The following TNRC18 variants were observed in gnomAD, a reference collection of about 807,000 sequenced individuals.
TNRC18 encodes the protein trinucleotide repeat-containing gene 18 protein.
Under a neutral mutation model 226.7 loss-of-function variants are expected in TNRC18, and 69 were observed. That is an observed-to-expected ratio of 0.30 (90% CI 0.25 to 0.37). The LOEUF (loss-of-function observed/expected upper bound fraction) is 0.37. Among genes scored for constraint, TNRC18 ranks in the 10% least tolerant of loss-of-function variants. TNRC18 has a pLI of 1.00. For missense variants in TNRC18, 4,754 were observed against 4,256.6 expected (o/e 1.12, Z -3.25); for synonymous variants, 2,449 against 1,927.6 (o/e 1.27, Z -7.09).
chr7:5,355,416 C>T (rs1792257007), intron 16 of TNRC18, among the ~76,000 whole-genome samples: 1 of 152,038 alleles, frequency 6.6e-6, no homozygotes, highest in Admixed American at 6.6e-5. Flanking sequence ...TCTCTTGATC[C>T]CAGGAGTTTA....
At position 5,410,974 on chromosome 7, in the gene TNRC18, G is replaced by C. The variant is rs370674787; in HGVS notation, c.187+10086C>G. Among the ~76,000 whole-genome samples the C allele has an allele frequency of 3.2e-3, 481 of 151,892 alleles. 6 individuals are homozygous for C. Among genetic ancestry groups the C allele is most frequent in the African/African-American group, 0.011 (446 of 41,416 alleles). ...TAATCCCAGCACTTTGGGAGGCCGAGGCAGGTGGATCACTTGAGGTCAGGA... is the reference window on the plus strand; with the variant it reads ...TAATCCCAGCACTTTGGGAGGCCGACGCAGGTGGATCACTTGAGGTCAGGA... On this transcript the variant is annotated intron_variant, in intron 2 of 29. Transcript: ENST00000430969.
intron 2 of TNRC18, among the ~76,000 whole-genome samples, chr7:5,418,989 C>T (rs962029192): frequency 6.6e-6 from 1 of 152,242 alleles, no homozygotes; most frequent in Non-Finnish European, 1.5e-5. Flanking sequence ...CGGGTGAGCA[C>T]GGGGTTCAAG....
chr7:5,411,350 C>G (rs1781832242), intron 2 of TNRC18, among the ~76,000 whole-genome samples: 1 of 151,070 alleles, frequency 6.6e-6, no homozygotes, highest in Non-Finnish European at 1.5e-5. Flanking sequence ...TGTTGCAATT[C>G]TTTCAAAATC....
rs752886131 is a variant in TNRC18 at position 5,308,322 on chromosome 7, C to T, written c.8701-10G>A. ...ACTGGTATAGCGCGCGCTGCGGGCA[C>T]GCGGGGATATCAGGATGGCAGGTGG... On this transcript the variant is annotated splice_polypyrimidine_tract_variant and intron_variant, in intron 29 of 29. Coordinates refer to ENST00000430969, the MANE Select transcript of TNRC18 (RefSeq NM_001080495.3). 43 of 1,604,246 alleles carry T rather than the reference C, an allele frequency of 2.7e-5. No homozygotes were observed. The highest frequency in any genetic ancestry group is 2.2e-4 in the Admixed American group (13 of 58,700).
Position 5,333,068 on chromosome 7 carries a change from C to G in TNRC18, c.5720-19G>C. 6.4e-7 allele frequency: 1 copy of G among 1,559,758 alleles called. No homozygotes were observed. Among genetic ancestry groups the G allele is most frequent in the Non-Finnish European group, 8.6e-7 (1 of 1,160,364 alleles). On this transcript the variant is annotated intron_variant, in intron 18 of 29. Coordinates refer to ENST00000430969, the MANE Select transcript of TNRC18 (RefSeq NM_001080495.3). ...TCTGTGCCTGAACGCGGGAGGAGGG[C>G]GTGCTGGTCACAGCCTCGTGGGGAC...
At chr7:5,358,717 G>C (rs112006977) in intron 15 of TNRC18, among the ~76,000 whole-genome samples, 1 of 152,168 alleles carries the variant, frequency 6.6e-6, no homozygotes, top group Non-Finnish European at 1.5e-5. Flanking sequence ...GGGAGGCTGA[G>C]GCAGGAGAAT....
At chr7:5,330,178 C>T (rs538104743) in intron 19 of TNRC18, among the ~76,000 whole-genome samples, 88 of 152,230 alleles carry the variant, frequency 5.8e-4, no homozygotes, top group Non-Finnish European at 9.9e-4. Context: ...GTGATCTGCC[C>T]ACCTCGGCCT....
intron 1 of TNRC18, among the ~76,000 whole-genome samples, chr7:5,422,093 T>TC (rs887118826): frequency 9.9e-4 from 148 of 149,634 alleles, no homozygotes; most frequent in African/African-American, 1.9e-3. Flanking sequence ...AGGCTCGTGG[T>TC]CCCCCCCCTT....
At chr7:5,420,071 GC>G (rs972670022) in intron 2 of TNRC18, 1 of 232,992 alleles carries the variant, frequency 4.3e-6, no homozygotes, top group African/African-American at 2.4e-5. Flanking sequence ...TCCTGGGGCG[GC>G]CGCCGGGCAG....
chr7:5,392,395 A>G (rs1780364107), intron 3 of TNRC18, among the ~76,000 whole-genome samples: 1 of 152,072 alleles, frequency 6.6e-6, no homozygotes, highest in African/African-American at 2.4e-5. Context: ...CTCAGGAGGC[A>G]GAGGTTGCAG....
chr7:5,322,386 A>C (rs1244902187), intron 21 of TNRC18, among the ~76,000 whole-genome samples: 2 of 151,808 alleles, frequency 1.3e-5, no homozygotes, highest in Non-Finnish European at 2.9e-5. Flanking sequence ...GCAGCCTGGA[A>C]CTCCTGGGTT....
At chr7:5,351,662 G>A (rs1466441041) in intron 17 of TNRC18, 157 bp downstream of exon 17, 179 of 751,452 alleles carry the variant, frequency 2.4e-4, no homozygotes, top group Non-Finnish European at 6.6e-5. Flanking sequence ...AGCAGGCTAC[G>A]CTGCCAAGAA....
At position 5,377,329 on chromosome 7, in the gene TNRC18, C is replaced by CCCACCAA; in HGVS notation, c.2461+41_2461+42insTTGGTGG. On this transcript the variant is annotated intron_variant, in intron 7 of 29. Transcript: ENST00000430969. The surrounding 1 kb of genome is among the most constrained non-coding windows in gnomAD (Gnocchi z 5.8). ...TGTCCTGCACCCGCCCCCTCCCACC[C>CCCACCAA]CTCCCTCAGAGAAGGGGAGAGACCC... 1 of 1,220,700 alleles carries CCCACCAA rather than the reference C, an allele frequency of 8.2e-7. No individual in the cohort carries two copies. The highest frequency in any genetic ancestry group is 1.1e-6 in the Non-Finnish European group (1 of 875,884). 75.6% of individuals were successfully genotyped at this position (1,220,700 alleles called of 1,614,324 possible). A position where few individuals can be genotyped will look rare whatever the true frequency, so the allele number is the denominator to read the frequency against.
chr7:5,362,852 CGCT>C, intron 11 of TNRC18, 27 bp from the exon 12 acceptor site: 1 of 1,476,910 alleles, frequency 6.8e-7, no homozygotes, highest in Non-Finnish European at 9.0e-7. Context: ...GGTAACAGGG[CGCT>C]GCTGCCACCC....
chr7:5,366,785 G>A (rs1305555633), intron 11 of TNRC18, among the ~76,000 whole-genome samples: 2 of 152,162 alleles, frequency 1.3e-5, no homozygotes, highest in Non-Finnish European at 2.9e-5. Context: ...ATGGAGGGCT[G>A]TTCTGTTCTC....
rs534173536 is a variant in TNRC18, at chr7:5,397,750, G to A, written c.188-3155C>T. ...ACCTCGGGTCTCCCTGGGCCCCAGA[G>A]AAGCCTCCAACAGCCACACGACCCA... On this transcript the variant is annotated intron_variant, in intron 2 of 29. Coordinates refer to ENST00000430969, the MANE Select transcript of TNRC18 (RefSeq NM_001080495.3). 3.1e-4 allele frequency among the ~76,000 whole-genome samples: 47 copies of A among 152,174 alleles called. No individual in the cohort carries two copies. The South Asian group carries it at 8.9e-3, about 29-fold the overall frequency.
intron 18 of TNRC18, among the ~76,000 whole-genome samples, chr7:5,340,952 AGAG>A (rs1380909072): frequency 7.9e-5 from 12 of 152,196 alleles, no homozygotes; most frequent in African/African-American, 2.7e-4. Flanking sequence ...TCATAGCTAG[AGAG>A]GAGAAGTCAG....
rs1562522604 is a variant in TNRC18, at chr7:5,345,761, GTCC to G, written c.5517_5519del (p.Glu1839del). On this transcript the variant is annotated inframe_deletion, in exon 18 of 30. Coordinates refer to ENST00000430969, the MANE Select transcript of TNRC18 (RefSeq NM_001080495.3). ...GCCTGTAGCCACCACCGCTGGCCTC[GTCC>G]TCCTCCTCGAGCTCCTCCTCCTCGT... is the stretch of plus-strand genomic sequence containing the variant. 14 of 1,547,264 alleles carry G rather than the reference GTCC, an allele frequency of 9.0e-6. No homozygotes were observed. Among genetic ancestry groups the G allele is most frequent in the East Asian group, 2.4e-5 (1 of 40,904 alleles).
At chr7:5,327,372 C>T (rs867865800) in intron 19 of TNRC18, among the ~76,000 whole-genome samples, 7 of 142,690 alleles carry the variant, frequency 4.9e-5, no homozygotes, top group South Asian at 2.3e-4. Flanking sequence ...TGTGTTTGTG[C>T]GTGTGTGTGT....
Sources: gnomAD v4.1 joint callset for allele counts (sites outside exome capture counted in the v4.1 genomes callset) on GRCh38, gnomAD v4.1.1 for gene constraint, Gnocchi (gnomAD v3.1) non-coding constraint, MANE v1.5 for transcripts, NCBI Gene and HGNC (gene_info 2026-07-23, HGNC 2026-07-21) for gene names.